Variants in SCN9A observed in about 807,000 individuals in gnomAD.
SCN9A encodes the protein sodium channel protein type 9 subunit alpha.
In SCN9A, 131 loss-of-function variants were observed where a neutral mutation model predicts 187.0. The ratio of observed to expected loss-of-function variants is 0.70; its 90% CI spans 0.61 to 0.81. SCN9A has a LOEUF of 0.81. Among genes scored for constraint, SCN9A ranks in the 30% least tolerant of loss-of-function variants. The pLI is 0.00. For missense variants in SCN9A, 2,252 were observed against 2,396.6 expected (o/e 0.94, Z 1.26); for synonymous variants, 809 against 808.6 (o/e 1.00, Z -0.01).
At chr2:166,299,038 T>C (rs911772857) in intron 7 of SCN9A, among the ~76,000 whole-genome samples, 1 of 152,208 alleles carries the variant, frequency 6.6e-6, no homozygotes, top group Non-Finnish European at 1.5e-5. Flanking sequence ...CATCTTTTGA[T>C]AACTCTGCAG....
chr2:166,317,152 T>TACGA (rs1553499124), intron 1 of SCN9A, among the ~76,000 whole-genome samples: 1 of 151,086 alleles, frequency 6.6e-6, no homozygotes, highest in Non-Finnish European at 1.5e-5. Flanking sequence ...GGATTATTTT[T>TACGA]ATGTCTTTAT....
intron 19 of SCN9A, among the ~76,000 whole-genome samples, chr2:166,239,368 G>C (rs1314999418): frequency 2.0e-5 from 3 of 152,146 alleles, no homozygotes; most frequent in Admixed American, 6.5e-5. Flanking sequence ...TGTATCCTTC[G>C]TGGTTAATAT....
chr2:166,344,488 C>G (rs1466952926), intron 1 of SCN9A, among the ~76,000 whole-genome samples: 1 of 152,106 alleles, frequency 6.6e-6, no homozygotes, highest in Non-Finnish European at 1.5e-5. Context: ...AGAAAATAGT[C>G]CTTCAAGTCA....
chr2:166,288,674 A>C, intron 9 of SCN9A, 31 bp from the exon 10 acceptor site: 1 of 1,490,582 alleles, frequency 6.7e-7, no homozygotes, highest in Non-Finnish European at 9.0e-7. Flanking sequence ...TCATTTGAAC[A>C]ATAAAAAGTT....
chr2:166,288,629 A>AGAAGCAC lies in SCN9A; in HGVS notation c.1121_1122insGTGCTTC (p.Gly375CysfsTer34), dbSNP rs1470188146. 1 of 1,596,274 alleles carries AGAAGCAC rather than the reference A, an allele frequency of 6.3e-7. No homozygotes were observed. The highest frequency in any genetic ancestry group is 1.3e-5 in the African/African-American group (1 of 74,376). On this transcript the variant is annotated frameshift_variant, in exon 10 of 27. Coordinates refer to ENST00000642356, the MANE Select transcript of SCN9A (RefSeq NM_001365536.1). LOFTEE classifies it high-confidence loss of function. ...CAAAGAAGATCATGTAGGTTTTGCC[A>AGAAGCAC]GCAGCACGCAGCGTCTAGGGAAAAA...
At chr2:166,247,684 T>G (rs1021940819) in intron 18 of SCN9A, among the ~76,000 whole-genome samples, 1 of 152,072 alleles carries the variant, frequency 6.6e-6, no homozygotes. Context: ...GCTCAGCTAA[T>G]TTTTGTATTT....
In SCN9A at chr2:166,242,598, G is replaced by T. The variant is rs950289855; in HGVS notation, c.3531C>A (p.Ile1177=). The T allele has an allele frequency of 1.3e-6, 2 of 1,559,670 alleles. No homozygotes were observed. The highest frequency in any genetic ancestry group is 1.4e-5 in the African/African-American group (1 of 73,462). Reference sequence around the variant, plus strand: ...AGCAGGTTTTCCTGATGTTCCACCAGATTTTTCCTTTCCCTGACTCTATGT... The same window carrying T: ...AGCAGGTTTTCCTGATGTTCCACCATATTTTTCCTTTCCCTGACTCTATGT... The part of the protein sequence containing the change: ...QVNIESGKGK[I]WWNIRKTCYK... Residue 1177 remains isoleucine (I), a synonymous_variant, in exon 19 of 27, where the codon ATC becomes ATA. Coordinates refer to ENST00000642356, the MANE Select transcript of SCN9A (RefSeq NM_001365536.1).
intron 1 of SCN9A, among the ~76,000 whole-genome samples, chr2:166,365,260 T>G (rs890375565): frequency 5.9e-5 from 9 of 152,172 alleles, no homozygotes; most frequent in Non-Finnish European, 1.3e-4. Flanking sequence ...ACATAAATAG[T>G]AAATCAGTAC....
At chr2:166,363,034 C>A (rs1190750482) in intron 1 of SCN9A, among the ~76,000 whole-genome samples, 5 of 151,952 alleles carry the variant, frequency 3.3e-5, no homozygotes, top group Non-Finnish European at 7.4e-5. Context: ...GGGGACTTAA[C>A]CTCCACAAGG....
chr2:166,306,662 C>G lies in SCN9A; in HGVS notation c.378-63G>C, dbSNP rs555773796. Reference sequence around the variant, plus strand: ...GAATTTGAAATATTTGAGGATGACACTTGTTGAAATGCTTACAACTTTTCC... The same window carrying G: ...GAATTTGAAATATTTGAGGATGACAGTTGTTGAAATGCTTACAACTTTTCC... On this transcript the variant is annotated intron_variant, in intron 3 of 26. Coordinates refer to ENST00000642356, the MANE Select transcript of SCN9A (RefSeq NM_001365536.1). The G allele has an allele frequency of 3.6e-5, 42 of 1,157,536 alleles. 1 individual carries two copies. In the Middle Eastern group the frequency reaches 7.6e-4, roughly 21 times the overall value. The allele number at this position is 1,157,536 out of a possible 1,614,324, so 71.7% of individuals were successfully genotyped here.
chr2:166,247,034 C>T (rs1695818758), intron 18 of SCN9A, among the ~76,000 whole-genome samples: 1 of 151,392 alleles, frequency 6.6e-6, no homozygotes, highest in African/African-American at 2.4e-5. Context: ...CAGAGAATCT[C>T]TCAAACATTT....
At position 166,204,349 on chromosome 2, in the gene SCN9A, T is replaced by C. The variant is rs1444344347; in HGVS notation, c.4503+11A>G. 4 of 1,592,614 alleles carry C rather than the reference T, an allele frequency of 2.5e-6. No individual in the cohort carries two copies. Among genetic ancestry groups the C allele is most frequent in the African/African-American group, 2.7e-5 (2 of 74,280 alleles). The stretch of plus-strand genomic sequence containing the variant: ...AAAATCTATATGCTAAAGATATATA[T>C]ATTTTTTTACCCCTGGTCGAGGAAT... On this transcript the variant is annotated intron_variant, in intron 25 of 26. Coordinates refer to ENST00000642356, the MANE Select transcript of SCN9A (RefSeq NM_001365536.1).
At chr2:166,359,092 C>A (rs970371516) in intron 1 of SCN9A, among the ~76,000 whole-genome samples, 5 of 152,030 alleles carry the variant, frequency 3.3e-5, no homozygotes, top group Non-Finnish European at 7.4e-5. Context: ...ATCGTATTTT[C>A]TTCCAATGAA....
intron 1 of SCN9A, among the ~76,000 whole-genome samples, chr2:166,355,720 T>C (rs1700137239): frequency 6.6e-6 from 1 of 152,128 alleles, no homozygotes; most frequent in South Asian, 2.1e-4. Flanking sequence ...TGCATATATA[T>C]GTTTTCCCAT....
At chr2:166,275,264 T>C (rs1697180220) in intron 16 of SCN9A, among the ~76,000 whole-genome samples, 1 of 152,096 alleles carries the variant, frequency 6.6e-6, no homozygotes, top group Admixed American at 6.6e-5. Flanking sequence ...TTTCCCAATT[T>C]CACGATTTTA....
chr2:166,296,398 A>T (rs1698303811), intron 7 of SCN9A, among the ~76,000 whole-genome samples: 1 of 152,204 alleles, frequency 6.6e-6, no homozygotes, highest in Non-Finnish European at 1.5e-5. Context: ...AAAACAATAA[A>T]GCCTTGCAGT....
chr2:166,298,748 ACATAATCTGG>A (rs1343992962), intron 7 of SCN9A: 3 of 152,226 alleles, frequency 2.0e-5, no homozygotes, highest in Admixed American at 2.0e-4. Flanking sequence ...CACAGTCTAC[ACATAATCTGG>A]CATCTGTCTT....
intron 21 of SCN9A, among the ~76,000 whole-genome samples, chr2:166,231,613 A>T (rs943840833): frequency 7.5e-6 from 1 of 134,034 alleles, no homozygotes; most frequent in African/African-American, 2.9e-5. Context: ...GTGCAGTTGC[A>T]TGATCTCGGC....
chr2:166,228,769 A>G lies in SCN9A; in HGVS notation c.4128T>C (p.Val1376=), dbSNP rs1413202256. ...GGTTTTTCCATCGCACATTTTGACT[A>G]ACATTCATAAGGGCAAAACATTCGG... ...NRSECFALMN[V]SQNVRWKNLK... Residue 1376 remains valine, a synonymous_variant, in exon 22 of 27, where the codon GTT becomes GTC. Coordinates refer to ENST00000642356, the MANE Select transcript of SCN9A (RefSeq NM_001365536.1). The G allele has an allele frequency of 6.2e-7, 1 of 1,613,758 alleles. No homozygotes were observed. Among genetic ancestry groups the G allele is most frequent in the Non-Finnish European group, 8.5e-7 (1 of 1,179,800 alleles).
Sources: allele counts gnomAD v4.1 joint callset (sites outside exome capture counted in the v4.1 genomes callset), GRCh38; gene constraint gnomAD v4.1.1; transcripts MANE v1.5; gene names NCBI Gene and HGNC (gene_info 2026-07-23, HGNC 2026-07-21).